USP25: variants seen among roughly 807,000 people sequenced by gnomAD.
USP25 encodes ubiquitin specific peptidase 25.
Under a neutral mutation model 158.5 loss-of-function variants are expected in USP25, and 85 were observed. That is an observed-to-expected ratio of 0.54 (90% CI 0.45 to 0.64). The LOEUF (loss-of-function observed/expected upper bound fraction) is 0.64, where lower values mean the gene tolerates loss of function less well. Ranked by LOEUF, USP25 falls within the 30% of genes least tolerant of loss-of-function variation. USP25 has a pLI of 0.00. For missense variants in USP25, 1,242 were observed against 1,327.3 expected (o/e 0.94, Z 1.00); for synonymous variants, 464 against 460.4 (o/e 1.01, Z -0.10).
intron 24 of USP25, among the ~76,000 whole-genome samples, chr21:15,874,886 G>C (rs1046436057): frequency 1.3e-5 from 2 of 152,180 alleles, no homozygotes; most frequent in Non-Finnish European, 2.9e-5. Flanking sequence ...AGAATATGCA[G>C]GCTGGCGCAG....
rs2036141128 is a variant in USP25, at chr21:15,801,648, C to T, written c.642+1805C>T. On this transcript the variant is annotated intron_variant, in intron 6 of 25. Coordinates refer to ENST00000400183, the MANE Select transcript of USP25 (RefSeq NM_001283041.3). ...GTTTTTAAAAAAGGCGTGAGTGTAA[C>T]TTGTCACTTATTTAATAATGAATTT... Among the ~76,000 whole-genome samples the T allele has an allele frequency of 2.6e-5, 4 of 151,632 alleles. No homozygotes were observed. In the South Asian group the frequency reaches 8.3e-4, roughly 31 times the overall value.
At chr21:15,761,162 A>G (rs1231933015) in intron 1 of USP25, among the ~76,000 whole-genome samples, 1 of 152,172 alleles carries the variant, frequency 6.6e-6, no homozygotes, top group African/African-American at 2.4e-5. Context: ...CGGCAGGGCT[A>G]TCTCACAGAT....
At chr21:15,869,600 A>G (rs1415580426) in intron 22 of USP25, among the ~76,000 whole-genome samples, 2 of 152,104 alleles carry the variant, frequency 1.3e-5, no homozygotes, top group Non-Finnish European at 2.9e-5. Flanking sequence ...TTTACCACAT[A>G]TTTGCGAAGT....
intron 10 of USP25, among the ~76,000 whole-genome samples, chr21:15,819,175 C>T (rs2037103386): frequency 6.6e-6 from 1 of 152,142 alleles, no homozygotes; most frequent in Non-Finnish European, 1.5e-5. Flanking sequence ...CCTGATATTA[C>T]AGTGGATTTT....
chr21:15,737,940 T>C (rs1042954408), intron 1 of USP25, among the ~76,000 whole-genome samples: 13 of 152,174 alleles, frequency 8.5e-5, no homozygotes, highest in African/African-American at 3.1e-4. Flanking sequence ...CAGTGAGCAT[T>C]TCCTTTCAAC....
At position 15,765,982 on chromosome 21, in the gene USP25, T is replaced by G. The variant is rs1442629343; in HGVS notation, c.124-15T>G. On this transcript the variant is annotated splice_polypyrimidine_tract_variant and intron_variant, in intron 2 of 25. Coordinates refer to ENST00000400183, the MANE Select transcript of USP25 (RefSeq NM_001283041.3). ...TATTTCAAAACACTTGATACTCCTT[T>G]CTTGATATTTGAAGGATAGTAATGG... 1 of 1,595,896 alleles carries G rather than the reference T, an allele frequency of 6.3e-7. No homozygotes were observed. The highest frequency in any genetic ancestry group is 8.5e-7 in the Non-Finnish European group (1 of 1,173,172).
intron 5 of USP25, among the ~76,000 whole-genome samples, chr21:15,797,916 G>A (rs1409272317): frequency 2.6e-5 from 4 of 150,960 alleles, no homozygotes; most frequent in Admixed American, 6.6e-5. Flanking sequence ...TTTATTATTC[G>A]TTATTGTTGC....
rs187607991 is a variant in USP25, at chr21:15,837,752, G to A, written c.2194+4204G>A. Among the ~76,000 whole-genome samples the A allele has an allele frequency of 6.6e-5, 10 of 152,248 alleles. No individual in the cohort carries two copies. In the South Asian group the frequency reaches 1.7e-3, roughly 25 times the overall value. Reference sequence around the variant, plus strand: ...TGAAGATTGGAATGAAGTGTATTGCGTAAGGTTTTATAAATTTCTCTAGAG... The same window carrying A: ...TGAAGATTGGAATGAAGTGTATTGCATAAGGTTTTATAAATTTCTCTAGAG... On this transcript the variant is annotated intron_variant, in intron 17 of 25. Coordinates refer to ENST00000400183, the MANE Select transcript of USP25 (RefSeq NM_001283041.3).
rs371468548 is a variant in USP25 at position 15,874,425 on chromosome 21, C to G, written c.2908C>G (p.Leu970Val). 2.5e-6 allele frequency: 4 copies of G among 1,605,254 alleles called. No individual in the cohort carries two copies. The highest frequency in any genetic ancestry group is 3.4e-6 in the Non-Finnish European group (4 of 1,175,946). The change falls in exon 24 of 26, where the codon CTC becomes GTC. Residue 970 changes from leucine to valine, a missense_variant. Physicochemically the swap from Leu to Val is conservative, Grantham distance 32 (BLOSUM62 1). Coordinates refer to ENST00000400183, the MANE Select transcript of USP25 (RefSeq NM_001283041.3). ...RESYIDSLLF[L>V]ICAYQNNKEL... ...AAGTTATATAGATTCCTTGCTGTTCCTCATCTGTGCTTATCAGAATAACAA... is the reference window on the plus strand; with the variant it reads ...AAGTTATATAGATTCCTTGCTGTTCGTCATCTGTGCTTATCAGAATAACAA...
intron 1 of USP25, among the ~76,000 whole-genome samples, chr21:15,741,062 T>A (rs2123217203): frequency 6.6e-6 from 1 of 152,342 alleles, no homozygotes; most frequent in Middle Eastern, 3.4e-3. Context: ...AGGCAACTGT[T>A]GATCTGATTT....
Position 15,877,903 on chromosome 21 carries a change from A to G in USP25, c.3117A>G (p.Leu1039=), listed in dbSNP as rs760452579. The G allele has an allele frequency of 1.2e-6, 2 of 1,613,628 alleles. No individual in the cohort carries two copies. Among genetic ancestry groups the G allele is most frequent in the South Asian group, 2.2e-5 (2 of 91,064 alleles). ...NEFIVPFLPL[L]LVDEMEEKDI... The stretch of plus-strand genomic sequence containing the variant: ...TTATTGTCCCATTTTTGCCATTATT[A>G]CTGGTGGATGAAATGGAAGAAAAGG... The change falls in exon 25 of 26, where the codon TTA becomes TTG. Residue 1039 remains leucine (L), a synonymous_variant. Coordinates refer to ENST00000400183, the MANE Select transcript of USP25 (RefSeq NM_001283041.3).
chr21:15,871,071 T>G (rs939166492), intron 23 of USP25, among the ~76,000 whole-genome samples: 1 of 152,212 alleles, frequency 6.6e-6, no homozygotes, highest in African/African-American at 2.4e-5. Flanking sequence ...CACAGAAATT[T>G]CTATTGGACA....
intron 17 of USP25, 132 bp from the exon 18 acceptor site, chr21:15,842,264 GAT>G: frequency 1.1e-6 from 1 of 907,970 alleles, no homozygotes; most frequent in Non-Finnish European, 1.6e-6. Context: ...TACGTGGAAA[GAT>G]ATATTTTACT....
chr21:15,879,693 T>TA lies in USP25; in HGVS notation c.*1222dup, dbSNP rs1276494949. ...TATAAATGATGTTTTGTGAACATAGTAAAATAGACCATTATACTATGTGTA... is the reference window on the plus strand; with the variant it reads ...TATAAATGATGTTTTGTGAACATAGTAAAAATAGACCATTATACTATGTGTA... On this transcript the variant is annotated 3_prime_UTR_variant, in exon 26 of 26. Coordinates refer to ENST00000400183, the MANE Select transcript of USP25 (RefSeq NM_001283041.3). The TA allele has an allele frequency of 6.6e-6, 1 of 152,566 alleles. No homozygotes were observed. The highest frequency in any genetic ancestry group is 2.4e-5 in the African/African-American group (1 of 41,454). The allele number at this position is 152,566 out of a possible 1,614,324, so 9.5% of individuals were successfully genotyped here.
At chr21:15,740,241 G>T (rs2031908106) in intron 1 of USP25, among the ~76,000 whole-genome samples, 1 of 152,200 alleles carries the variant, frequency 6.6e-6, no homozygotes, top group South Asian at 2.1e-4. Context: ...TTATTCTTCT[G>T]CACTTAATGT....
intron 3 of USP25, among the ~76,000 whole-genome samples, chr21:15,770,464 A>G (rs1163551672): frequency 6.6e-6 from 1 of 152,162 alleles, no homozygotes; most frequent in East Asian, 1.9e-4. Flanking sequence ...TTTGTTGACT[A>G]ACATGGGAGA....
rs754327060 is a variant in USP25 at position 15,762,974 on chromosome 21, G to A, written c.123+6G>A. 1 of 1,609,142 alleles carries A rather than the reference G, an allele frequency of 6.2e-7. No individual in the cohort carries two copies. Among genetic ancestry groups the A allele is most frequent in the South Asian group, 1.1e-5 (1 of 90,212 alleles). Reference sequence around the variant, plus strand: ...TACTACAGCAAGCCTTGAAGGTATGGCCTCTGTTTTATGATATACAGTTTG... The same window carrying A: ...TACTACAGCAAGCCTTGAAGGTATGACCTCTGTTTTATGATATACAGTTTG... On this transcript the variant is annotated splice_donor_region_variant and intron_variant, in intron 2 of 25. Transcript: ENST00000400183.
intron 5 of USP25, among the ~76,000 whole-genome samples, chr21:15,792,514 T>A (rs1449196002): frequency 6.6e-6 from 1 of 151,708 alleles, no homozygotes; most frequent in Non-Finnish European, 1.5e-5. Flanking sequence ...GAATGCTTTT[T>A]CCTTCATTGG....
chr21:15,854,726 G>A (rs2039054392), intron 20 of USP25, among the ~76,000 whole-genome samples: 1 of 152,082 alleles, frequency 6.6e-6, no homozygotes, highest in African/African-American at 2.4e-5. Context: ...CTCCGAATTA[G>A]GAAGTTACCA....
Sources: allele counts gnomAD v4.1 joint callset (sites outside exome capture counted in the v4.1 genomes callset), GRCh38; gene constraint gnomAD v4.1.1; transcripts MANE v1.5; gene names NCBI Gene and HGNC (gene_info 2026-07-23, HGNC 2026-07-21).